LRRC1: variants seen among roughly 807,000 people sequenced by gnomAD.
The protein encoded by LRRC1 is leucine rich repeat containing 1, also known as leucine-rich repeat-containing protein 1.
A neutral mutation model predicts 69.9 loss-of-function variants in LRRC1; 28 were observed. The observed-to-expected ratio is 0.40, with a 90% CI of 0.30 to 0.55. LRRC1 has a LOEUF of 0.55. Ranked by LOEUF, LRRC1 falls within the 20% of genes least tolerant of loss-of-function variation. LRRC1 has a pLI of 0.47. For synonymous variants in LRRC1, 236 were observed against 240.2 expected (o/e 0.98, Z 0.16); for missense variants, 498 against 609.0 (o/e 0.82, Z 1.92).
chr6:53,821,806 A>T (rs557026213), intron 1 of LRRC1, among the ~76,000 whole-genome samples: 1 of 151,824 alleles, frequency 6.6e-6, no homozygotes, highest in Admixed American at 6.5e-5. Context: ...CCATTTACAG[A>T]TGCAACATTG....
At chr6:53,843,329 A>G (rs1483074187) in intron 2 of LRRC1, among the ~76,000 whole-genome samples, 1 of 152,214 alleles carries the variant, frequency 6.6e-6, no homozygotes, top group Non-Finnish European at 1.5e-5. Flanking sequence ...GGTCCCAGAC[A>G]TATAATTCTT....
chr6:53,818,506 TTAAA>T (rs1765018074), intron 1 of LRRC1, among the ~76,000 whole-genome samples: 1 of 152,244 alleles, frequency 6.6e-6, no homozygotes, highest in Non-Finnish European at 1.5e-5. Flanking sequence ...CCTTACAGAA[TTAAA>T]TAAAGTTTTA....
At chr6:53,883,461 G>A (rs926752867) in intron 4 of LRRC1, among the ~76,000 whole-genome samples, 4 of 152,198 alleles carry the variant, frequency 2.6e-5, no homozygotes, top group African/African-American at 9.7e-5. Flanking sequence ...TTTGGAGAGT[G>A]GGAGTGGAGC....
Position 53,851,042 on chromosome 6 carries a change from T to C in LRRC1, c.277+8815T>C, listed in dbSNP as rs551712915. 1.4e-4 allele frequency among the ~76,000 whole-genome samples: 21 copies of C among 152,134 alleles called. No individual in the cohort carries two copies. The South Asian group carries it at 4.1e-3, about 30-fold the overall frequency. On this transcript the variant is annotated intron_variant, in intron 2 of 13. Coordinates refer to ENST00000370888, the MANE Select transcript of LRRC1 (RefSeq NM_018214.5). ...GTTAGCTAGAAGAGGAGAAGAAATA[T>C]GACCATTGATGACCACTAGATCATC...
chr6:53,890,402 G>C (rs1417025491), intron 4 of LRRC1, among the ~76,000 whole-genome samples: 1 of 152,166 alleles, frequency 6.6e-6, no homozygotes, highest in Non-Finnish European at 1.5e-5. Context: ...GATTGAACTA[G>C]AGCGTGTGGG....
intron 1 of LRRC1, among the ~76,000 whole-genome samples, chr6:53,841,508 G>A (rs369321173): frequency 1.3e-5 from 2 of 151,986 alleles, no homozygotes; most frequent in Admixed American, 1.3e-4. Flanking sequence ...ATGTTCATGT[G>A]TATATAAATT....
At chr6:53,897,182 T>C in intron 6 of LRRC1, 103 bp from the exon 7 acceptor site, 1 of 759,590 alleles carries the variant, frequency 1.3e-6, no homozygotes, top group Non-Finnish European at 2.2e-6. Context: ...GAACATCTGC[T>C]AAGGTACCCA....
intron 1 of LRRC1, among the ~76,000 whole-genome samples, chr6:53,805,921 G>A (rs1267944876): frequency 6.6e-6 from 1 of 152,212 alleles, no homozygotes; most frequent in Non-Finnish European, 1.5e-5. Context: ...GCCATGCTCC[G>A]CCTACCCCCA....
intron 1 of LRRC1, among the ~76,000 whole-genome samples, chr6:53,798,710 G>A (rs1401959587): frequency 6.6e-6 from 1 of 152,168 alleles, no homozygotes; most frequent in Non-Finnish European, 1.5e-5. Context: ...TCTCATCCTT[G>A]TGACACCCAA....
At chr6:53,855,823 G>A (rs962957450) in intron 2 of LRRC1, among the ~76,000 whole-genome samples, 21 of 152,242 alleles carry the variant, frequency 1.4e-4, no homozygotes, top group Non-Finnish European at 2.1e-4. Context: ...GCATTATGTC[G>A]TTGGAGAAGA....
intron 7 of LRRC1, 81 bp from the exon 8 acceptor site, chr6:53,899,666 T>C (rs773581838): frequency 2.1e-5 from 29 of 1,403,716 alleles, no homozygotes; most frequent in Non-Finnish European, 2.8e-5. Flanking sequence ...TGGGATTTAA[T>C]TGTGAAAAAT....
At chr6:53,810,276 T>G (rs1167180089) in intron 1 of LRRC1, among the ~76,000 whole-genome samples, 1 of 152,216 alleles carries the variant, frequency 6.6e-6, no homozygotes, top group Non-Finnish European at 1.5e-5. Context: ...AAGGACCATC[T>G]GCTCAGGAAA....
intron 1 of LRRC1, among the ~76,000 whole-genome samples, chr6:53,803,471 G>A (rs1403880768): frequency 6.6e-6 from 1 of 152,154 alleles, no homozygotes; most frequent in East Asian, 1.9e-4. Context: ...AAATGCATAG[G>A]AGAAACTTCT....
At chr6:53,833,272 C>G (rs1412797792) in intron 1 of LRRC1, among the ~76,000 whole-genome samples, 4 of 152,134 alleles carry the variant, frequency 2.6e-5, no homozygotes, top group Non-Finnish European at 5.9e-5. Flanking sequence ...TCTGATCCAC[C>G]CTTCTGATCA....
Position 53,902,310 on chromosome 6 carries a change from C to T in LRRC1, c.788-319C>T, listed in dbSNP as rs189668920. On this transcript the variant is annotated intron_variant, in intron 8 of 13. Coordinates refer to ENST00000370888, the MANE Select transcript of LRRC1 (RefSeq NM_018214.5). ...ATGCTTGGAGTAAAATGAAAGTCTC[C>T]TCTGTGCATGAAACACCTCCACGGA... Among the ~76,000 whole-genome samples, 3 of 151,968 alleles carry T rather than the reference C, an allele frequency of 2.0e-5. No individual in the cohort carries two copies. In the East Asian group the frequency reaches 5.8e-4, roughly 29 times the overall value.
chr6:53,866,445 G>C (rs1443140840), intron 2 of LRRC1, among the ~76,000 whole-genome samples: 2 of 152,164 alleles, frequency 1.3e-5, no homozygotes, highest in Non-Finnish European at 2.9e-5. Context: ...GCCCCACACT[G>C]TGGCGATGGT....
intron 13 of LRRC1, among the ~76,000 whole-genome samples, chr6:53,921,110 G>A (rs1419947986): frequency 6.6e-6 from 1 of 152,076 alleles, no homozygotes; most frequent in African/African-American, 2.4e-5. Context: ...TGGGACTGCA[G>A]GCACCTGCCA....
intron 2 of LRRC1, among the ~76,000 whole-genome samples, chr6:53,864,933 T>C (rs574603483): frequency 2.0e-5 from 3 of 152,206 alleles, no homozygotes; most frequent in Admixed American, 1.3e-4. Flanking sequence ...CAGATTTTCA[T>C]TGGAAATAGA....
chr6:53,825,056 C>CT (rs1356722951), intron 1 of LRRC1, among the ~76,000 whole-genome samples: 1 of 152,230 alleles, frequency 6.6e-6, no homozygotes, highest in East Asian at 1.9e-4. Context: ...CCCTGCAAAT[C>CT]TTCTCTTCCA....
Sources: allele counts gnomAD v4.1 joint callset (sites outside exome capture counted in the v4.1 genomes callset), GRCh38; gene constraint gnomAD v4.1.1; transcripts MANE v1.5; gene names NCBI Gene and HGNC (gene_info 2026-07-23, HGNC 2026-07-21).